IL3RA: variants seen among roughly 807,000 people sequenced by gnomAD.
The protein encoded by IL3RA is interleukin-3 receptor subunit alpha.
A neutral mutation model predicts 52.3 loss-of-function variants in IL3RA; 73 were observed. That is an observed-to-expected ratio of 1.40 (90% CI 1.16 to 1.70). The LOEUF (loss-of-function observed/expected upper bound fraction) is 1.70. Among genes scored for constraint, IL3RA ranks in the 40% most tolerant of loss-of-function variants. IL3RA has a pLI of 0.00. For synonymous variants in IL3RA, 260 were observed against 194.0 expected, an observed-to-expected ratio of 1.34 and a Z score of -2.83; for missense variants, 664 against 504.4, an observed-to-expected ratio of 1.32 and a Z score of -3.03.
chrX:1,367,747 G>T (rs2088251180), intron 9 of IL3RA, among the ~76,000 whole-genome samples: 2 of 132,740 alleles, frequency 1.5e-5, no homozygotes, highest in African/African-American at 5.8e-5. Flanking sequence ...GGGGTGCGCG[G>T]GGTGAGCGGG....
chrX:1,338,757 T>C (rs1344511231), intron 1 of IL3RA, among the ~76,000 whole-genome samples: 6 of 151,928 alleles, frequency 3.9e-5, no homozygotes, highest in Non-Finnish European at 7.4e-5. Context: ...CTTTAATGGG[T>C]CTGGAGTCTC....
Sources: gnomAD v4.1 joint callset for allele counts (sites outside exome capture counted in the v4.1 genomes callset) on GRCh38, gnomAD v4.1.1 for gene constraint, MANE v1.5 for transcripts, NCBI Gene and HGNC (gene_info 2026-07-23, HGNC 2026-07-21) for gene names.